Variants in FMNL3 observed in about 807,000 individuals in gnomAD.
The protein encoded by FMNL3 is formin-like protein 3.
A neutral mutation model predicts 119.6 loss-of-function variants in FMNL3; 57 were observed. That is an observed-to-expected ratio of 0.48 (90% confidence interval 0.39 to 0.59). The LOEUF (loss-of-function observed/expected upper bound fraction) is 0.59, where lower values mean the gene tolerates loss of function less well. Ranked by LOEUF, FMNL3 falls within the 20% of genes least tolerant of loss-of-function variation. FMNL3 has a pLI of 0.00. For synonymous variants in FMNL3, 491 were observed against 507.3 expected (o/e 0.97, Z 0.43); for missense variants, 1,053 against 1,323.5 (o/e 0.80, Z 3.17).
rs200654119 is a variant in FMNL3, at chr12:49,642,983, G to A, written c.*2832C>T. The stretch of plus-strand genomic sequence containing the variant: ...GCCGAAAGCATGGCAGGAAAGGCAA[G>A]AAGCACCATCACAAGCGTTCCCACT... On this transcript the variant is annotated 3_prime_UTR_variant, in exon 26 of 26. Coordinates refer to ENST00000335154, the MANE Select transcript of FMNL3 (RefSeq NM_175736.5). This position sits in a 1 kb window ranked among gnomAD's most constrained non-coding sequence, Gnocchi z 5.8. The A allele has an allele frequency of 7.9e-5, 127 of 1,613,814 alleles. No homozygotes were observed. The highest frequency in any genetic ancestry group is 1.5e-5 in the Non-Finnish European group (18 of 1,179,898).
intron 1 of FMNL3, among the ~76,000 whole-genome samples, chr12:49,673,416 T>C (rs1473813950): frequency 2.0e-5 from 3 of 152,226 alleles, no homozygotes; most frequent in Non-Finnish European, 4.4e-5. Context: ...CCCACTAGGA[T>C]TCCCCTCACA....
chr12:49,700,714 C>CAAAA (rs59073094), intron 1 of FMNL3, among the ~76,000 whole-genome samples: 5 of 63,990 alleles, frequency 7.8e-5, no homozygotes, highest in Middle Eastern at 0.017. Flanking sequence ...GACTCCACCT[C>CAAAA]AAAAAAAAAA....
At chr12:49,657,220 G>T in intron 6 of FMNL3, 30 bp from the exon 7 acceptor site, 1 of 1,538,028 alleles carries the variant, frequency 6.5e-7, no homozygotes, top group Non-Finnish European at 9.0e-7. Context: ...AGTCAGGTGG[G>T]AGCTGAGGCT....
At chr12:49,686,491 T>C (rs1182930344) in intron 1 of FMNL3, among the ~76,000 whole-genome samples, 3 of 144,650 alleles carry the variant, frequency 2.1e-5, no homozygotes, top group Non-Finnish European at 4.5e-5. Context: ...GGCAGGAGAA[T>C]GGCATGAACT....
Position 49,707,058 on chromosome 12 carries a change from C to A in FMNL3, c.123G>T (p.Val41=). The A allele has an allele frequency of 6.3e-7, 1 of 1,581,498 alleles. No homozygotes were observed. The highest frequency in any genetic ancestry group is 8.6e-7 in the Non-Finnish European group (1 of 1,164,840). The change falls in exon 1 of 26, where the codon GTG becomes GTT. Residue 41 remains valine, a synonymous_variant. Transcript: ENST00000335154. ...AGGGGCTGGGCTCAGCTCTCACCAG[C>A]ACCAGGGCGAACCTTTCCTCCAGCT... ...PCELEERFAL[V]LSSMNLPPDK...
At chr12:49,651,100 A>C in intron 16 of FMNL3, 68 bp downstream of exon 16, 1 of 1,587,066 alleles carries the variant, frequency 6.3e-7, no homozygotes, top group Non-Finnish European at 8.6e-7. Flanking sequence ...CTAAGACCAG[A>C]ATCTCCTCAA....
intron 9 of FMNL3, among the ~76,000 whole-genome samples, chr12:49,655,938 A>G (rs1045809248): frequency 5.9e-5 from 9 of 152,148 alleles, no homozygotes; most frequent in African/African-American, 1.9e-4. Flanking sequence ...CACCAATAAC[A>G]GCCAACAAAT....
At chr12:49,651,835 AT>A (rs1943411899) in intron 14 of FMNL3, 97 bp downstream of exon 14, 13 of 1,449,978 alleles carry the variant, frequency 9.0e-6, no homozygotes, top group Non-Finnish European at 1.2e-5. Flanking sequence ...AGATAATGCC[AT>A]TTTCCCAGCT....
intron 10 of FMNL3, 112 bp from the exon 11 acceptor site, chr12:49,654,414 A>G (rs1943506766): frequency 2.6e-6 from 2 of 757,922 alleles, no homozygotes; most frequent in Non-Finnish European, 4.4e-6. Context: ...AATTACAGGG[A>G]GTCAATTAAA....
chr12:49,683,147 G>T (rs1043321426), intron 1 of FMNL3, among the ~76,000 whole-genome samples: 1 of 152,144 alleles, frequency 6.6e-6, no homozygotes, highest in Non-Finnish European at 1.5e-5. Context: ...CCTAGGAGTT[G>T]TCCCTCCCCA....
chr12:49,668,842 C>T (rs766654571), intron 1 of FMNL3, among the ~76,000 whole-genome samples: 14 of 152,130 alleles, frequency 9.2e-5, no homozygotes, highest in Non-Finnish European at 1.8e-4. Context: ...TACCAGAATT[C>T]GGAAGTATAA....
chr12:49,687,092 A>AT (rs1944483279), intron 1 of FMNL3, among the ~76,000 whole-genome samples: 7 of 132,800 alleles, frequency 5.3e-5, no homozygotes, highest in Middle Eastern at 3.8e-3. Context: ...TATCTTCCCC[A>AT]TTCCTTTTTT....
chr12:49,650,922 T>C, intron 16 of FMNL3, 44 bp from the exon 17 acceptor site: 1 of 1,602,318 alleles, frequency 6.2e-7, no homozygotes, highest in South Asian at 1.1e-5. Flanking sequence ...AGCCTCATAC[T>C]AGTGGAGGAC....
At chr12:49,692,496 C>T (rs1957068512) in intron 1 of FMNL3, among the ~76,000 whole-genome samples, 1 of 152,162 alleles carries the variant, frequency 6.6e-6, no homozygotes, top group Admixed American at 6.5e-5. Flanking sequence ...TCAATCCCCT[C>T]CACAGTTCAC....
At chr12:49,652,387 A>C in intron 13 of FMNL3, 175 bp from the exon 14 acceptor site, 3 of 1,295,132 alleles carry the variant, frequency 2.3e-6, no homozygotes, top group Non-Finnish European at 3.1e-6. Flanking sequence ...GCAGCAAAAC[A>C]AAAGAGGCAA....
At chr12:49,691,599 C>T (rs953311989) in intron 1 of FMNL3, among the ~76,000 whole-genome samples, 1 of 152,190 alleles carries the variant, frequency 6.6e-6, no homozygotes, top group Non-Finnish European at 1.5e-5. Context: ...ATTCTTTTTA[C>T]TGTGGAAACA....
In FMNL3 at chr12:49,651,382, C is replaced by G. The variant is rs377567845; in HGVS notation, c.1672G>C (p.Ala558Pro). The G allele has an allele frequency of 1.3e-6, 2 of 1,564,422 alleles. No homozygotes were observed. The highest frequency in any genetic ancestry group is 2.7e-5 in the African/African-American group (2 of 73,976). ...PSVVLTVGLS[A>P]IRIKKPIKTK... ...TGCCCAGAGCCCTGGGGATACTCAC[C>G]TGACAGGCCCACTGTCAACACCACA... is the stretch of plus-strand genomic sequence containing the variant. Residue 558 changes from alanine to proline, a missense_variant and splice_region_variant, in exon 15 of 26, where the codon GCC becomes CCC. Transcript: ENST00000335154.
intron 1 of FMNL3, among the ~76,000 whole-genome samples, chr12:49,692,924 G>A (rs1778265989): frequency 1.3e-5 from 2 of 152,114 alleles, no homozygotes; most frequent in South Asian, 4.1e-4. Flanking sequence ...TAACATCCAG[G>A]CAAAGGGTAT....
chr12:49,689,629 C>T lies in FMNL3; in HGVS notation c.126+17426G>A, dbSNP rs117817874. ...CTACTAAGGAGGCTGAAATGGAGGA[C>T]GGCTTGAGCCTAGGAGTTGGAGGCT... is the stretch of plus-strand genomic sequence containing the variant. On this transcript the variant is annotated intron_variant, in intron 1 of 25. Coordinates refer to ENST00000335154, the MANE Select transcript of FMNL3 (RefSeq NM_175736.5). Among the ~76,000 whole-genome samples, 10 of 152,238 alleles carry T rather than the reference C, an allele frequency of 6.6e-5. No individual in the cohort carries two copies. The East Asian group carries it at 1.7e-3, about 26-fold the overall frequency.
Sources: allele counts gnomAD v4.1 joint callset (sites outside exome capture counted in the v4.1 genomes callset), GRCh38; gene constraint gnomAD v4.1.1; non-coding constraint Gnocchi (gnomAD v3.1); transcripts MANE v1.5; gene names NCBI Gene and HGNC (gene_info 2026-07-23, HGNC 2026-07-21).